ZBTB17: variants seen among roughly 807,000 people sequenced by gnomAD.
The protein encoded by ZBTB17 is zinc finger and BTB domain containing 17.
In ZBTB17, 24 loss-of-function variants were observed where a neutral mutation model predicts 85.1. That is an observed-to-expected ratio of 0.28 (90% CI 0.20 to 0.40). The LOEUF is 0.40. Ranked by LOEUF, ZBTB17 falls within the 10% of genes least tolerant of loss-of-function variation. The probability of loss-of-function intolerance (pLI) is 1.00; values close to 1 mark genes in which losing one functional copy is unlikely to be tolerated. For missense variants in ZBTB17, 743 were observed against 1,105.1 expected, an observed-to-expected ratio of 0.67 and a Z score of 4.65; for synonymous variants, 464 against 460.2, an observed-to-expected ratio of 1.01 and a Z score of -0.11.
At chr1:15,944,006 G>T in intron 9 of ZBTB17, 111 bp from the exon 10 acceptor site, 1 of 1,148,278 alleles carries the variant, frequency 8.7e-7, no homozygotes, top group South Asian at 1.3e-5. Flanking sequence ...CAGGGTCCGT[G>T]AAGGGCTCTA....
intron 1 of ZBTB17, among the ~76,000 whole-genome samples, chr1:15,975,534 C>T (rs1232843942): frequency 6.6e-6 from 1 of 152,234 alleles, no homozygotes; most frequent in Non-Finnish European, 1.5e-5. Context: ...CAGCGTCGGC[C>T]TCCTCTGTCA....
chr1:15,957,963 G>A (rs1026547159), intron 2 of ZBTB17, among the ~76,000 whole-genome samples: 2 of 152,074 alleles, frequency 1.3e-5, no homozygotes, highest in African/African-American at 4.8e-5. Context: ...TTGTAGAGAC[G>A]GTAATTAAAG....
rs771917741 is a variant in ZBTB17 at position 15,943,124 on chromosome 1, C to T, written c.1768G>A (p.Val590Met). 2.5e-6 allele frequency: 4 copies of T among 1,614,148 alleles called. No homozygotes were observed. The highest frequency in any genetic ancestry group is 2.2e-5 in the East Asian group (1 of 44,882). ...HDNIRPHKCS[V>M]CSKAFVNVGD... Reference sequence around the variant, plus strand: ...ACGTTCACGAAGGCCTTGCTGCACACGCTGCACTTGTGTGGGCGGATGTTG... The same window carrying T: ...ACGTTCACGAAGGCCTTGCTGCACATGCTGCACTTGTGTGGGCGGATGTTG... The change falls in exon 13 of 16, where the codon GTG (valine) becomes ATG (methionine). Residue 590 changes from valine to methionine, a missense_variant. Around this residue, in one of 4 missense-constraint regions of ZBTB17, gnomAD observed 321 missense variants for 615.7 expected, o/e 0.52. Coordinates refer to ENST00000375743, the MANE Select transcript of ZBTB17 (RefSeq NM_003443.3).
chr1:15,947,135 A>G lies in ZBTB17; in HGVS notation c.206-12T>C, dbSNP rs1380973421. ...CACCTGCCCCAGGCCTACCAAGGAC[A>G]GGACAGCTGTCACAGACCCACCTCA... On this transcript the variant is annotated splice_polypyrimidine_tract_variant and intron_variant, in intron 3 of 15. Coordinates refer to ENST00000375743, the MANE Select transcript of ZBTB17 (RefSeq NM_003443.3). The G allele has an allele frequency of 3.8e-6, 6 of 1,598,246 alleles. No individual in the cohort carries two copies. The highest frequency in any genetic ancestry group is 5.1e-6 in the Non-Finnish European group (6 of 1,167,582).
At chr1:15,945,432 G>A (rs891709315) in intron 6 of ZBTB17, among the ~76,000 whole-genome samples, 13 of 152,244 alleles carry the variant, frequency 8.5e-5, no homozygotes, top group African/African-American at 3.1e-4. Context: ...GCCGTGGGTG[G>A]CAAGGCACCC....
rs114478391 is a variant in ZBTB17, at chr1:15,955,572, A to G, written c.-2-7075T>C. On this transcript the variant is annotated intron_variant, in intron 2 of 15. Transcript: ENST00000375743. ...GGAAGTTTGTATTATAAAAAAACAGATTTTTTTAAATCTTAAAAATGTCTA... is the reference window on the plus strand; with the variant it reads ...GGAAGTTTGTATTATAAAAAAACAGGTTTTTTTAAATCTTAAAAATGTCTA... Among the ~76,000 whole-genome samples, 1,062 of 152,304 alleles carry G rather than the reference A, an allele frequency of 7.0e-3. 12 individuals are homozygous for G. Among genetic ancestry groups the G allele is most frequent in the African/African-American group, 0.024 (1,002 of 41,566 alleles).
At chr1:15,942,479 C>G in intron 14 of ZBTB17, 50 bp downstream of exon 14, 1 of 1,610,650 alleles carries the variant, frequency 6.2e-7, no homozygotes, top group Non-Finnish European at 8.5e-7. Context: ...ATCATCGCCA[C>G]CCTGGCAGCA....
chr1:15,944,098 G>T, intron 9 of ZBTB17: 1 of 1,011,738 alleles, frequency 9.9e-7, no homozygotes, highest in Non-Finnish European at 1.5e-6. Flanking sequence ...ACCAAACCCC[G>T]CCCTGAGTCG....
chr1:15,948,181 C>T (rs1286124154), intron 3 of ZBTB17, 110 bp downstream of exon 3: 2 of 1,311,968 alleles, frequency 1.5e-6, no homozygotes, highest in East Asian at 2.4e-5. Flanking sequence ...TGCGGGAGGC[C>T]TGTTGCATCC....
Position 15,942,572 on chromosome 1 carries a change from C to T in ZBTB17, c.1995G>A (p.Leu665=). The T allele has an allele frequency of 6.2e-7, 1 of 1,612,456 alleles. No individual in the cohort carries two copies. The highest frequency in any genetic ancestry group is 8.5e-7 in the Non-Finnish European group (1 of 1,180,040). ...SVVTVDDMVT[L]ATEALAATAV... ...CTGTCGCTGCCAGTGCCTCGGTAGC[C>T]AGCGTGACCATGTCATCCACAGTGA... The change falls in exon 14 of 16, where the codon CTG becomes CTA. Residue 665 remains leucine, a synonymous_variant. Transcript: ENST00000375743.
Position 15,966,332 on chromosome 1 carries a change from C to G in ZBTB17, c.-3+6707G>C, listed in dbSNP as rs1169398635. Among the ~76,000 whole-genome samples, 4 of 152,248 alleles carry G rather than the reference C, an allele frequency of 2.6e-5. No homozygotes were observed. The East Asian group carries it at 7.7e-4, about 29-fold the overall frequency. ...AGTTCCAGTATAGGAAGTGGTGCGG[C>G]TGGGGTGGGGAGAACAGATTCTACT... On this transcript the variant is annotated intron_variant, in intron 2 of 15. Coordinates refer to ENST00000375743, the MANE Select transcript of ZBTB17 (RefSeq NM_003443.3). The surrounding 1 kb of genome is among the most constrained non-coding windows in gnomAD (Gnocchi z 4.1).
In ZBTB17 at chr1:15,975,723, C is replaced by G. The variant is rs528077232; in HGVS notation, c.-90+260G>C. Among the ~76,000 whole-genome samples the G allele has an allele frequency of 4.7e-4, 72 of 152,230 alleles. 1 individual carries two copies. The highest frequency in any genetic ancestry group is 1.6e-3 in the African/African-American group (65 of 41,544). On this transcript the variant is annotated intron_variant, in intron 1 of 15. Transcript: ENST00000375743. Reference sequence around the variant, plus strand: ...TGCTACCAGCTGGGGTGTCATCCAGCCCGGGAGGTGACACGCGCCCCCTCG... The same window carrying G: ...TGCTACCAGCTGGGGTGTCATCCAGGCCGGGAGGTGACACGCGCCCCCTCG...
In ZBTB17 at chr1:15,943,079, T is replaced by A. The variant is rs1401926749; in HGVS notation, c.1813A>T (p.Ile605Phe). ...CACAGCTCACCAGTGTGAATGATGATGTGCTTGGACAGGTCCCCCACGTTC... is the reference window on the plus strand; with the variant it reads ...CACAGCTCACCAGTGTGAATGATGAAGTGCTTGGACAGGTCCCCCACGTTC... ...FVNVGDLSKH[I>F]IIHTGEKPYL... Residue 605 changes from isoleucine to phenylalanine, a missense_variant, in exon 13 of 16, where the codon ATC (isoleucine) becomes TTC (phenylalanine). Physicochemically the swap from Ile to Phe is conservative, Grantham distance 21. Transcript: ENST00000375743. 2 of 1,614,112 alleles carry A rather than the reference T, an allele frequency of 1.2e-6. No homozygotes were observed. The highest frequency in any genetic ancestry group is 1.7e-6 in the Non-Finnish European group (2 of 1,179,998).
chr1:15,956,930 C>T (rs2072062680), intron 2 of ZBTB17, among the ~76,000 whole-genome samples: 2 of 152,148 alleles, frequency 1.3e-5, no homozygotes, highest in South Asian at 4.1e-4. Flanking sequence ...CCTGTAATCC[C>T]AGCACTTTGG....
chr1:15,958,124 C>T (rs925599989), intron 2 of ZBTB17, among the ~76,000 whole-genome samples: 7 of 152,292 alleles, frequency 4.6e-5, no homozygotes, highest in Non-Finnish European at 5.9e-5. Context: ...AATAGGAAAA[C>T]CACCATAAAT....
intron 5 of ZBTB17, 42 bp from the exon 6 acceptor site, chr1:15,945,882 C>T (rs778016553): frequency 6.4e-7 from 1 of 1,570,302 alleles, no homozygotes; most frequent in East Asian, 2.2e-5. Context: ...CTACCCTCTG[C>T]CCAGGGGTCG....
chr1:15,956,552 C>A (rs1289506615), intron 2 of ZBTB17, among the ~76,000 whole-genome samples: 1 of 152,110 alleles, frequency 6.6e-6, no homozygotes, highest in African/African-American at 2.4e-5. Flanking sequence ...GGCATTTAAG[C>A]AACAATTCTA....
rs2072375190 is a variant in ZBTB17 at position 15,964,626 on chromosome 1, A to G, written c.-3+8413T>C. Reference sequence around the variant, plus strand: ...CAGCTACTTGGGAGGCTGAGGCGGAAGGATAGCTTAAGCCTGGGAGGTCAA... The same window carrying G: ...CAGCTACTTGGGAGGCTGAGGCGGAGGGATAGCTTAAGCCTGGGAGGTCAA... On this transcript the variant is annotated intron_variant, in intron 2 of 15. Transcript: ENST00000375743. The surrounding 1 kb of genome is among the most constrained non-coding windows in gnomAD (Gnocchi z 4.3). 6.6e-6 allele frequency among the ~76,000 whole-genome samples: 1 copy of G among 152,168 alleles called. No homozygotes were observed. Among genetic ancestry groups the G allele is most frequent in the South Asian group, 2.1e-4 (1 of 4,834 alleles).
intron 3 of ZBTB17, among the ~76,000 whole-genome samples, chr1:15,947,814 C>T (rs1035211198): frequency 6.6e-6 from 1 of 152,204 alleles, no homozygotes; most frequent in Non-Finnish European, 1.5e-5. Context: ...CTTCTCATGG[C>T]ATGTCACGTC....
Sources: allele counts gnomAD v4.1 joint callset (sites outside exome capture counted in the v4.1 genomes callset), GRCh38; gene constraint gnomAD v4.1.1; regional missense constraint gnomAD v4.1.1; non-coding constraint Gnocchi (gnomAD v3.1); transcripts MANE v1.5; gene names NCBI Gene and HGNC (gene_info 2026-07-23, HGNC 2026-07-21).